The following EIF2D variants were observed in gnomAD, a reference collection of about 807,000 sequenced individuals.
EIF2D encodes the protein eukaryotic translation initiation factor 2D, also known as hepatocellular carcinoma-associated antigen 56.
Under a neutral mutation model 77.4 loss-of-function variants are expected in EIF2D, and 56 were observed. The ratio of observed to expected loss-of-function variants is 0.72; its 90% CI spans 0.58 to 0.90. The LOEUF (loss-of-function observed/expected upper bound fraction) is 0.90. Among genes scored for constraint, EIF2D ranks in the 40% least tolerant of loss-of-function variants. The probability of loss-of-function intolerance (pLI) is 0.00; values close to 1 mark genes in which losing one functional copy is unlikely to be tolerated. For missense variants in EIF2D, 574 were observed against 706.5 expected (o/e 0.81, Z 2.13); for synonymous variants, 230 against 271.0 (o/e 0.85, Z 1.49).
At chr1:206,573,690 C>T (rs1220243057) in intron 4 of EIF2D, among the ~76,000 whole-genome samples, 1 of 152,206 alleles carries the variant, frequency 6.6e-6, no homozygotes, top group Non-Finnish European at 1.5e-5. Flanking sequence ...GGAAGAAGAC[C>T]CGAGATGGAT....
chr1:206,572,619 T>C (rs1668487482), exon 5 of EIF2D: 1 of 152,198 alleles, frequency 6.6e-6, no homozygotes, highest in Admixed American at 6.5e-5. Context: ...CTGGAAAGTA[T>C]GGTCACTTCT....
intron 1 of EIF2D, among the ~76,000 whole-genome samples, chr1:206,611,854 T>C (rs1165473340): frequency 1.3e-5 from 2 of 152,234 alleles, no homozygotes; most frequent in African/African-American, 4.8e-5. Context: ...TGTGCCTTAT[T>C]CCCTCCCACC....
chr1:206,583,416 C>T, intron 2 of EIF2D: 4 of 1,417,968 alleles, frequency 2.8e-6, no homozygotes, highest in South Asian at 2.3e-5. Flanking sequence ...GCCCCTGCTC[C>T]ACCACCCGCT....
At chr1:206,605,348 C>A in intron 5 of EIF2D, 52 bp downstream of exon 5, 1 of 1,463,920 alleles carries the variant, frequency 6.8e-7, no homozygotes, top group East Asian at 2.3e-5. Flanking sequence ...AGGCCCCATC[C>A]TCTCCCCAGC....
chr1:206,586,095 T>C (rs1349936855), intron 2 of EIF2D: 1 of 152,334 alleles, frequency 6.6e-6, no homozygotes, highest in Non-Finnish European at 1.5e-5. Context: ...CAATGAGCTC[T>C]GTGATTGTGA....
intron 5 of EIF2D, among the ~76,000 whole-genome samples, chr1:206,604,339 G>A (rs1670076400): frequency 6.6e-6 from 1 of 152,166 alleles, no homozygotes; most frequent in South Asian, 2.1e-4. Context: ...AGCTACTCGG[G>A]AGGCTGAGGT....
At chr1:206,595,085 A>C (rs1025856129) in intron 13 of EIF2D, 6 of 152,246 alleles carry the variant, frequency 3.9e-5, no homozygotes, top group African/African-American at 1.4e-4. Context: ...AACATGCTCA[A>C]GGTCAGGCAG....
intron 4 of EIF2D, among the ~76,000 whole-genome samples, chr1:206,574,001 G>T (rs1668544948): frequency 6.6e-6 from 1 of 152,226 alleles, no homozygotes; most frequent in Non-Finnish European, 1.5e-5. Context: ...TTATTTAGGG[G>T]ATTAAATGAG....
intron 4 of EIF2D, among the ~76,000 whole-genome samples, chr1:206,573,493 G>A (rs1425893428): frequency 5.3e-5 from 8 of 152,192 alleles, no homozygotes; most frequent in East Asian, 1.9e-4. Context: ...CTTCTCTCAC[G>A]GAACTCAGTA....
chr1:206,600,308 G>A lies in EIF2D; in HGVS notation c.903C>T (p.Cys301=). 1 of 1,613,758 alleles carries A rather than the reference G, an allele frequency of 6.2e-7. No homozygotes were observed. The highest frequency in any genetic ancestry group is 8.5e-7 in the Non-Finnish European group (1 of 1,179,780). ...TFLGSHMFSC[C]PEGRQLDIKK... is the part of the protein sequence containing the mutation. ...TTATGTCCAGTTGTCGTCCTTCGGGGCTGATGGCAGATGGAAAAGGCAAAT... is the reference window on the plus strand; with the variant it reads ...TTATGTCCAGTTGTCGTCCTTCGGGACTGATGGCAGATGGAAAAGGCAAAT... The change falls in exon 8 of 15, where the codon TGC becomes TGT. Residue 301 remains cysteine (C), a splice_region_variant and synonymous_variant. Transcript: ENST00000271764.
Position 206,602,331 on chromosome 1 carries a change from C to T in EIF2D, c.902+5G>A. The T allele has an allele frequency of 1.2e-6, 2 of 1,613,722 alleles. No homozygotes were observed. Among genetic ancestry groups the T allele is most frequent in the Non-Finnish European group, 8.5e-7 (1 of 1,179,600 alleles). ...GCCTCCAGCCCACATCAGTGCTTTCCATACCAGCAGGAGAACATGTGGCTG... is the reference window on the plus strand; with the variant it reads ...GCCTCCAGCCCACATCAGTGCTTTCTATACCAGCAGGAGAACATGTGGCTG... On this transcript the variant is annotated splice_donor_5th_base_variant and intron_variant, in intron 7 of 14. Transcript: ENST00000271764.
intron 13 of EIF2D, 21 bp from the exon 14 acceptor site, chr1:206,593,814 G>A (rs1553409544): frequency 6.3e-7 from 1 of 1,579,962 alleles, no homozygotes; most frequent in African/African-American, 1.3e-5. Context: ...AGTGGGGACA[G>A]AGACTGACGG....
At chr1:206,570,756 G>A (rs1432127514), downstream of EIF2D, among the ~76,000 whole-genome samples, 1 of 152,138 alleles carries the variant, frequency 6.6e-6, no homozygotes, top group African/African-American at 2.4e-5. Context: ...GGCTGAATGA[G>A]ATTCCATTGT....
At chr1:206,600,565 C>T (rs564120243) in intron 7 of EIF2D, 14 of 429,002 alleles carry the variant, frequency 3.3e-5, no homozygotes, top group East Asian at 2.8e-4. Flanking sequence ...CCATTAGCCA[C>T]ATGTGGGTAG....
At position 206,572,767 on chromosome 1, in the gene EIF2D, G is replaced by A. The variant is rs1419262720; in HGVS notation, c.*255-68C>T. ...AAGTGTTTTAATATAGGATATTGAT[G>A]TATTTGTCTTTATACCGATGCAATC... On this transcript the variant is annotated intron_variant and NMD_transcript_variant, in intron 4 of 5. Transcript: ENST00000472709. 3 of 152,260 alleles carry A rather than the reference G, an allele frequency of 2.0e-5. No homozygotes were observed. In the East Asian group the frequency reaches 5.8e-4, roughly 29 times the overall value. The allele number at this position is 152,260 out of a possible 1,614,324, so 9.4% of individuals were successfully genotyped here.
chr1:206,584,857 AGAGTCCCT>A lies in EIF2D; in HGVS notation c.139-3703_139-3696del. The A allele has an allele frequency of 1.5e-6, 1 of 688,360 alleles. No individual in the cohort carries two copies. The highest frequency in any genetic ancestry group is 2.4e-6 in the Non-Finnish European group (1 of 412,416). The allele number at this position is 688,360 out of a possible 1,614,324, so 42.6% of individuals were successfully genotyped here. Reference sequence around the variant, plus strand: ...GGAATCCGGGCAGGGAGGCAAGAGCAGAGTCCCTGACTCTGCATGTGACTTCAGGAAAA... The same window carrying A: ...GGAATCCGGGCAGGGAGGCAAGAGCAGACTCTGCATGTGACTTCAGGAAAA... On this transcript the variant is annotated intron_variant and NMD_transcript_variant, in intron 2 of 5. Coordinates refer to the EIF2D transcript ENST00000472709. The surrounding 1 kb of genome is among the most constrained non-coding windows in gnomAD (Gnocchi z 4.9).
In EIF2D at chr1:206,599,250, A is replaced by G. The variant is rs1669803317; in HGVS notation, c.1203-158T>C. 1.3e-5 allele frequency among the ~76,000 whole-genome samples: 2 copies of G among 152,220 alleles called. No homozygotes were observed. The highest frequency in any genetic ancestry group is 4.1e-4 in the South Asian group (2 of 4,824). On this transcript the variant is annotated intron_variant, in intron 10 of 14. Transcript: ENST00000271764. The surrounding 1 kb of genome is among the most constrained non-coding windows in gnomAD (Gnocchi z 4.1). ...GACTGAAGTGAGCATGACCATGTGA[A>G]GAATAATTACACGCAGAAAAGGGTG...
intron 6 of EIF2D, 183 bp from the exon 7 acceptor site, chr1:206,602,636 G>T (rs1669979367): frequency 1.6e-6 from 1 of 641,446 alleles, no homozygotes; most frequent in Non-Finnish European, 2.7e-6. Flanking sequence ...CCCCAGAGAA[G>T]GAGTCAAGCC....
At chr1:206,585,489 T>C in intron 2 of EIF2D, 1 of 524,442 alleles carries the variant, frequency 1.9e-6, no homozygotes, top group Non-Finnish European at 3.5e-6. Flanking sequence ...CACCCTGGGG[T>C]AGCACATTAG....
Sources: gnomAD v4.1 joint callset for allele counts (sites outside exome capture counted in the v4.1 genomes callset) on GRCh38, gnomAD v4.1.1 for gene constraint, Gnocchi (gnomAD v3.1) non-coding constraint, MANE v1.5 for transcripts, NCBI Gene and HGNC (gene_info 2026-07-23, HGNC 2026-07-21) for gene names.